Variants in IGF2BP3 observed in about 807,000 individuals in gnomAD.
IGF2BP3 encodes the protein insulin like growth factor 2 mRNA binding protein 3.
Under a neutral mutation model 73.8 loss-of-function variants are expected in IGF2BP3, and 9 were observed. The ratio of observed to expected loss-of-function variants is 0.12; its 90% CI spans 0.07 to 0.21. The LOEUF (loss-of-function observed/expected upper bound fraction) is 0.21. IGF2BP3 is among the 10% of genes least tolerant of loss of function. The probability of loss-of-function intolerance (pLI) is 1.00; values close to 1 mark genes in which losing one functional copy is unlikely to be tolerated. For synonymous variants in IGF2BP3, 258 were observed against 256.7 expected (o/e 1.01, Z -0.05); for missense variants, 542 against 714.0 (o/e 0.76, Z 2.75).
At chr7:23,452,962 A>C (rs2128549123) in intron 2 of IGF2BP3, among the ~76,000 whole-genome samples, 1 of 151,946 alleles carries the variant, frequency 6.6e-6, no homozygotes, top group Admixed American at 6.6e-5. Context: ...AAATACAAAA[A>C]TTAGCTGGGC....
intron 3 of IGF2BP3, among the ~76,000 whole-genome samples, chr7:23,363,119 A>C (rs1421944330): frequency 2.0e-5 from 3 of 152,220 alleles, no homozygotes. Flanking sequence ...AATAGAAAAC[A>C]AATTTTATGG....
At chr7:23,334,288 A>G (rs1405675001) in intron 10 of IGF2BP3, among the ~76,000 whole-genome samples, 1 of 152,168 alleles carries the variant, frequency 6.6e-6, no homozygotes, top group Non-Finnish European at 1.5e-5. Context: ...AGATCATGAC[A>G]CTGCACTCCA....
chr7:23,334,806 G>C (rs1389064138), intron 10 of IGF2BP3, among the ~76,000 whole-genome samples: 1 of 152,160 alleles, frequency 6.6e-6, no homozygotes, highest in Non-Finnish European at 1.5e-5. Context: ...CTATCGTGAA[G>C]ACATACAAGT....
intron 10 of IGF2BP3, among the ~76,000 whole-genome samples, chr7:23,332,693 GTGTGTCACACAATTACCA>G (rs1236876430): frequency 6.6e-6 from 1 of 152,188 alleles, no homozygotes; most frequent in African/African-American, 2.4e-5. Flanking sequence ...ACAGCCCCCA[GTGTGTCACACAATTACCA>G]TGTGTCATTT....
chr7:23,377,887 C>T (rs1785777440), intron 3 of IGF2BP3, among the ~76,000 whole-genome samples: 1 of 152,064 alleles, frequency 6.6e-6, no homozygotes, highest in African/African-American at 2.4e-5. Context: ...ATTAAATGTC[C>T]ACAATAGGCA....
intron 3 of IGF2BP3, among the ~76,000 whole-genome samples, chr7:23,377,560 ACTGT>A (rs1324573062): frequency 1.3e-5 from 2 of 152,172 alleles, no homozygotes; most frequent in African/African-American, 2.4e-5. Context: ...TCTTTGGAAA[ACTGT>A]CTGGTTGTTC....
chr7:23,392,017 G>A (rs1786292888), intron 3 of IGF2BP3, among the ~76,000 whole-genome samples: 1 of 152,150 alleles, frequency 6.6e-6, no homozygotes, highest in South Asian at 2.1e-4. Context: ...GGATATTAAT[G>A]ACATAAAAGA....
At chr7:23,351,747 CT>C (rs752888294) in intron 5 of IGF2BP3, among the ~76,000 whole-genome samples, 161 bp from the exon 6 acceptor site, 7 of 152,028 alleles carry the variant, frequency 4.6e-5, no homozygotes, top group Non-Finnish European at 1.0e-4. Flanking sequence ...TAATCCTCCC[CT>C]CTCCCACCCC....
intron 12 of IGF2BP3, among the ~76,000 whole-genome samples, chr7:23,315,837 G>A (rs1417343214): frequency 6.6e-6 from 1 of 152,106 alleles, no homozygotes; most frequent in Non-Finnish European, 1.5e-5. Context: ...ATTTAGCATT[G>A]TCACCAATCA....
chr7:23,428,345 G>A (rs180835917), intron 2 of IGF2BP3, among the ~76,000 whole-genome samples: 196 of 150,420 alleles, frequency 1.3e-3, no homozygotes, highest in Middle Eastern at 0.011. Flanking sequence ...GGTGGCATGC[G>A]CCTATAATCC....
At chr7:23,401,421 C>G (rs906573192) in intron 3 of IGF2BP3, among the ~76,000 whole-genome samples, 1 of 152,136 alleles carries the variant, frequency 6.6e-6, no homozygotes, top group African/African-American at 2.4e-5. Flanking sequence ...ATCATTCAAA[C>G]TCACAGTACA....
At chr7:23,404,005 G>A (rs115725994) in intron 3 of IGF2BP3, among the ~76,000 whole-genome samples, 1,718 of 151,662 alleles carry the variant, frequency 0.011, 43 homozygotes, top group African/African-American at 0.039. Flanking sequence ...GGGGCACAGC[G>A]GTATGTGCCT....
intron 6 of IGF2BP3, 33 bp downstream of exon 6, chr7:23,351,272 C>A: frequency 6.2e-7 from 1 of 1,608,332 alleles, no homozygotes; most frequent in South Asian, 1.1e-5. Context: ...GGGGAATTCT[C>A]ATGAACACCC....
Position 23,470,355 on chromosome 7 carries a change from T to C in IGF2BP3, c.-245A>G, listed in dbSNP as rs1452125901. The C allele has an allele frequency of 3.3e-6, 1 of 301,216 alleles. No individual in the cohort carries two copies. Among genetic ancestry groups the C allele is most frequent in the East Asian group, 6.0e-5 (1 of 16,738 alleles). 18.7% of individuals were successfully genotyped at this position (301,216 alleles called of 1,614,324 possible). ...AAAGCCTAGCTACAACCCAAACGCA[T>C]CCACCAGTCTTCCTAAGTCTTAGGA... On this transcript the variant is annotated 5_prime_UTR_variant, in exon 1 of 15. It removes an upstream start codon present in the reference 5' UTR. Transcript: ENST00000258729.
At chr7:23,393,645 T>C (rs897235247) in intron 3 of IGF2BP3, among the ~76,000 whole-genome samples, 30 of 152,166 alleles carry the variant, frequency 2.0e-4, no homozygotes, top group African/African-American at 4.6e-4. Flanking sequence ...TCTTCACACA[T>C]TGGGAGAATT....
chr7:23,321,400 C>T (rs974908724), intron 10 of IGF2BP3, among the ~76,000 whole-genome samples: 11 of 152,316 alleles, frequency 7.2e-5, no homozygotes, highest in East Asian at 3.9e-4. Context: ...GATTATATCC[C>T]GCACCTGGCT....
At chr7:23,313,452 T>C in intron 13 of IGF2BP3, 70 bp downstream of exon 13, 1 of 1,527,392 alleles carries the variant, frequency 6.5e-7, no homozygotes, top group Non-Finnish European at 8.8e-7. Context: ...ATTCGGGGAC[T>C]TGGAACTCCT....
At chr7:23,348,928 C>T (rs905008953) in intron 6 of IGF2BP3, among the ~76,000 whole-genome samples, 18 of 152,124 alleles carry the variant, frequency 1.2e-4, no homozygotes, top group African/African-American at 3.6e-4. Context: ...AGTACCAACA[C>T]AGTAAAAAGT....
intron 2 of IGF2BP3, 115 bp from the exon 3 acceptor site, chr7:23,418,939 C>A: frequency 1.5e-6 from 1 of 646,392 alleles, no homozygotes; most frequent in Non-Finnish European, 2.6e-6. Context: ...AATTACAAAC[C>A]AATATCTATT....
Sources: gnomAD v4.1 joint callset for allele counts (sites outside exome capture counted in the v4.1 genomes callset) on GRCh38, gnomAD v4.1.1 for gene constraint, MANE v1.5 for transcripts, NCBI Gene and HGNC (gene_info 2026-07-23, HGNC 2026-07-21) for gene names.